KCNMA1: variants seen among roughly 807,000 people sequenced by gnomAD.
KCNMA1 encodes the protein Calcium-activated potassium channel subunit alpha-1.
Under a neutral mutation model 140.0 loss-of-function variants are expected in KCNMA1, and 29 were observed. That is an observed-to-expected ratio of 0.21 (90% confidence interval 0.15 to 0.28). The LOEUF (loss-of-function observed/expected upper bound fraction) is 0.28, where lower values mean the gene tolerates loss of function less well. Ranked by LOEUF, KCNMA1 falls within the 10% of genes least tolerant of loss-of-function variation. The pLI, the probability that KCNMA1 is intolerant of heterozygous loss-of-function variation, is 1.00. For missense variants in KCNMA1, 880 were observed against 1,602.2 expected, an observed-to-expected ratio of 0.55 and a Z score of 7.70; for synonymous variants, 612 against 611.9, an observed-to-expected ratio of 1.00 and a Z score of 0.00.
At chr10:77,382,080 C>A (rs975829038) in intron 2 of KCNMA1, among the ~76,000 whole-genome samples, 1 of 152,142 alleles carries the variant, frequency 6.6e-6, no homozygotes, top group Non-Finnish European at 1.5e-5. Flanking sequence ...CATCTTGGGA[C>A]CATCTAGGGA....
intron 1 of KCNMA1, among the ~76,000 whole-genome samples, chr10:77,504,955 A>C (rs143300245): frequency 2.0e-5 from 3 of 152,034 alleles, no homozygotes; most frequent in Non-Finnish European, 4.4e-5. Flanking sequence ...TGGGCTGTGC[A>C]CCTCTAATGC....
Position 77,020,447 on chromosome 10 carries a change from G to A in KCNMA1, c.1929-1348C>T, listed in dbSNP as rs543088896. On this transcript the variant is annotated intron_variant, in intron 16 of 27. Coordinates refer to ENST00000286628, the MANE Select transcript of KCNMA1 (RefSeq NM_001161352.2). ...CCTGACAGGAGGAAACTGTACTTGT[G>A]TCATGACTATTATTAACACTCAATA... 3 of 152,232 alleles carry A rather than the reference G, an allele frequency of 2.0e-5. No individual in the cohort carries two copies. The East Asian group carries it at 5.8e-4, about 29-fold the overall frequency. The allele number at this position is 152,232 out of a possible 1,614,324, so 9.4% of individuals were successfully genotyped here.
chr10:77,130,875 T>C (rs970838776), intron 5 of KCNMA1, among the ~76,000 whole-genome samples: 7 of 152,128 alleles, frequency 4.6e-5, no homozygotes, highest in Admixed American at 1.3e-4. Context: ...AAGAAAGACA[T>C]ATACACACAC....
rs185151879 is a variant in KCNMA1 at position 77,422,951 on chromosome 10, G to A, written c.379-18928C>T. Among the ~76,000 whole-genome samples the A allele has an allele frequency of 9.7e-4, 148 of 152,320 alleles. 1 individual carries two copies. In the Middle Eastern group the frequency reaches 0.01, roughly 11 times the overall value. On this transcript the variant is annotated intron_variant, in intron 1 of 27. Transcript: ENST00000286628. ...ATTAACATTGTTTTAAGTCAACCCC[G>A]TTGTTATGGCATCACTAAGAAACAT...
chr10:77,500,418 T>C (rs901281886), intron 1 of KCNMA1, among the ~76,000 whole-genome samples: 43 of 152,012 alleles, frequency 2.8e-4, no homozygotes, highest in African/African-American at 1.0e-3. Context: ...GAGGCCGAGG[T>C]GGCAGGATCA....
chr10:77,387,804 G>T (rs1250808589), intron 2 of KCNMA1, among the ~76,000 whole-genome samples: 1 of 152,026 alleles, frequency 6.6e-6, no homozygotes, highest in Admixed American at 6.5e-5. Context: ...TTTTAGTTGA[G>T]ACAGGGTTTT....
intron 20 of KCNMA1, among the ~76,000 whole-genome samples, chr10:76,954,297 A>T (rs929857463): frequency 6.6e-6 from 1 of 151,958 alleles, no homozygotes; most frequent in East Asian, 1.9e-4. Context: ...ACACACATAC[A>T]CACACACAGA....
chr10:76,913,864 A>G, intron 24 of KCNMA1: 1 of 562,368 alleles, frequency 1.8e-6, no homozygotes, highest in South Asian at 2.4e-5. Context: ...CTGTGTGGGG[A>G]AAAAATCATT....
At chr10:76,890,910 C>A (rs1044974496) in intron 26 of KCNMA1, among the ~76,000 whole-genome samples, 2 of 152,214 alleles carry the variant, frequency 1.3e-5, no homozygotes, top group African/African-American at 2.4e-5. Flanking sequence ...ATTAAAGGAT[C>A]CACATAAGAT....
At chr10:77,514,331 T>C (rs981641994) in intron 1 of KCNMA1, among the ~76,000 whole-genome samples, 1 of 152,158 alleles carries the variant, frequency 6.6e-6, no homozygotes, top group Non-Finnish European at 1.5e-5. Context: ...AGCGAATCAC[T>C]TTGCATCCTG....
chr10:77,377,876 G>C (rs1314586595), intron 2 of KCNMA1, among the ~76,000 whole-genome samples: 1 of 152,194 alleles, frequency 6.6e-6, no homozygotes, highest in Non-Finnish European at 1.5e-5. Context: ...GTCTGGGTGT[G>C]AGAGTTCAAG....
chr10:76,981,648 G>A (rs1391197020), intron 19 of KCNMA1, among the ~76,000 whole-genome samples: 2 of 152,248 alleles, frequency 1.3e-5, no homozygotes, highest in East Asian at 3.9e-4. Context: ...CCTTTCACCT[G>A]ACTACTTGAC....
chr10:77,261,689 T>C (rs1284102176), intron 2 of KCNMA1, among the ~76,000 whole-genome samples: 3 of 152,184 alleles, frequency 2.0e-5, no homozygotes. Flanking sequence ...TCTTACATCA[T>C]TGCATCATAA....
chr10:76,886,481 A>C lies in KCNMA1; in HGVS notation c.*785T>G, dbSNP rs2037010320. The C allele has an allele frequency of 6.1e-6, 6 of 984,976 alleles. No individual in the cohort carries two copies. The highest frequency in any genetic ancestry group is 4.8e-6 in the Non-Finnish European group (4 of 829,484). The allele number at this position is 984,976 out of a possible 1,614,324, so 61.0% of individuals were successfully genotyped here. ...TGGCAACATAAGGAGACAGAATAAC[A>C]ATTTAATATGCAATCAAACCTCTTT... On this transcript the variant is annotated 3_prime_UTR_variant, in exon 28 of 28. Transcript: ENST00000286628.
At chr10:77,034,650 G>C (rs74140262) in intron 15 of KCNMA1, among the ~76,000 whole-genome samples, 1,629 of 152,240 alleles carry the variant, frequency 0.011, 15 homozygotes, top group African/African-American at 0.037. Context: ...ATCCATACTT[G>C]CCCCTGGGCT....
At chr10:77,062,855 A>G (rs1383943530) in intron 14 of KCNMA1, among the ~76,000 whole-genome samples, 2 of 152,216 alleles carry the variant, frequency 1.3e-5, no homozygotes, top group Non-Finnish European at 2.9e-5. Context: ...TTGGAGAAGC[A>G]ATGTGTAACA....
In KCNMA1 at chr10:77,099,262, T is replaced by C. The variant is rs141551855; in HGVS notation, c.1224-8752A>G. 3.7e-3 allele frequency among the ~76,000 whole-genome samples: 564 copies of C among 152,274 alleles called. 5 individuals carry two copies. Among genetic ancestry groups the C allele is most frequent in the African/African-American group, 0.013 (540 of 41,558 alleles). On this transcript the variant is annotated intron_variant, in intron 9 of 27. Coordinates refer to ENST00000286628, the MANE Select transcript of KCNMA1 (RefSeq NM_001161352.2). ...TCCCTAACACCCCTGGTGAATCATG[T>C]ATCATGGTCCTTGAGCACATACTGT...
intron 1 of KCNMA1, among the ~76,000 whole-genome samples, chr10:77,571,880 C>T (rs2071488880): frequency 6.6e-6 from 1 of 152,140 alleles, no homozygotes; most frequent in Non-Finnish European, 1.5e-5. Context: ...TTCCCAGGGC[C>T]TTCTAAGGAA....
At chr10:77,562,977 G>GA (rs560663706) in intron 1 of KCNMA1, among the ~76,000 whole-genome samples, 2 of 151,314 alleles carry the variant, frequency 1.3e-5, no homozygotes, top group African/African-American at 4.9e-5. Flanking sequence ...AACAGATGGG[G>GA]AAAAAATTAC....
Sources: gnomAD v4.1 joint callset for allele counts (sites outside exome capture counted in the v4.1 genomes callset) on GRCh38, gnomAD v4.1.1 for gene constraint, MANE v1.5 for transcripts, NCBI Gene and HGNC (gene_info 2026-07-23, HGNC 2026-07-21) for gene names.